Variants in SEPTIN5 observed in about 807,000 individuals in gnomAD.
SEPTIN5 encodes the protein septin 5, also known as septin-5.
A neutral mutation model predicts 51.2 loss-of-function variants in SEPTIN5; 16 were observed. The observed-to-expected ratio is 0.31, with a 90% CI of 0.21 to 0.47. SEPTIN5 has a LOEUF of 0.47. SEPTIN5 is among the 20% of genes least tolerant of loss of function. SEPTIN5 has a pLI of 0.99. For synonymous variants in SEPTIN5, 208 were observed against 191.2 expected, an observed-to-expected ratio of 1.09 and a Z score of -0.72; for missense variants, 376 against 500.3, an observed-to-expected ratio of 0.75 and a Z score of 2.37.
chr22:19,719,030 G>C, intron 2 of SEPTIN5: 2 of 483,692 alleles, frequency 4.1e-6, no homozygotes, highest in Non-Finnish European at 6.5e-6. Context: ...CGGAGAATGC[G>C]GCCGTGGGAC....
At chr22:19,718,343 G>A in intron 2 of SEPTIN5, 1 of 963,638 alleles carries the variant, frequency 1.0e-6, no homozygotes, top group Non-Finnish European at 1.2e-6. Flanking sequence ...AGCCGCTTTC[G>A]GGTGGCTCCG....
At position 19,722,620 on chromosome 22, in the gene SEPTIN5, C is replaced by T. The variant is rs979226214; in HGVS notation, c.*136C>T. 8.7e-6 allele frequency: 8 copies of T among 916,584 alleles called. No homozygotes were observed. The Admixed American group carries it at 1.3e-4, about 15-fold the overall frequency. The allele number at this position is 916,584 out of a possible 1,614,324, so 56.8% of individuals were successfully genotyped here. On this transcript the variant is annotated 3_prime_UTR_variant, in exon 12 of 12. Transcript: ENST00000455784. ...ATTTATTCTCAGCACCACCCCCTCC[C>T]AGGTCATTGTGTCTGTTTCCGAGGG... is the stretch of plus-strand genomic sequence containing the variant.
At position 19,722,555 on chromosome 22, in the gene SEPTIN5, C is replaced by T; in HGVS notation, c.*71C>T. The T allele has an allele frequency of 2.0e-6, 3 of 1,501,266 alleles. No homozygotes were observed. The highest frequency in any genetic ancestry group is 1.8e-6 in the Non-Finnish European group (2 of 1,104,726). 93.0% of individuals were successfully genotyped at this position (1,501,266 alleles called of 1,614,324 possible). A position where few individuals can be genotyped will look rare whatever the true frequency, so the allele number is the denominator to read the frequency against. ...CCTGGACACCAGACCGGACTGTTCC[C>T]GACCCGGAGACGCGGGGCCACAGCC... On this transcript the variant is annotated 3_prime_UTR_variant, in exon 12 of 12. Coordinates refer to ENST00000455784, the MANE Select transcript of SEPTIN5 (RefSeq NM_002688.6).
intron 2 of SEPTIN5, among the ~76,000 whole-genome samples, chr22:19,715,537 G>T (rs973291368): frequency 6.6e-6 from 1 of 152,232 alleles, no homozygotes; most frequent in African/African-American, 2.4e-5. Context: ...AGGTGGGCTG[G>T]GGGGGCTGGG....
chr22:19,720,263 C>T (rs1433553189), intron 5 of SEPTIN5, 25 bp downstream of exon 5: 1 of 1,613,500 alleles, frequency 6.2e-7, no homozygotes, highest in Non-Finnish European at 8.5e-7. Flanking sequence ...CTGAGAAAGG[C>T]CTTGCCTAGG....
In SEPTIN5 at chr22:19,720,360, C is replaced by A. The variant is rs1297042350; in HGVS notation, c.403C>A (p.Gln135Lys). The change falls in exon 6 of 12, where the codon CAG (glutamine) becomes AAG (lysine). Residue 135 changes from glutamine (Q) to lysine (K), a missense_variant. Physicochemically the swap from Gln to Lys is moderately conservative, Grantham distance 53. Around this residue, in one of 2 missense-constraint regions of SEPTIN5, gnomAD observed 287 missense variants for 417.1 expected, o/e 0.69. Transcript: ENST00000455784. Reference sequence around the variant, plus strand: ...CGACTATGTGGACCAGCAGTTTGAGCAGTACTTCCGTGATGAGAGCGGCCT... The same window carrying A: ...CGACTATGTGGACCAGCAGTTTGAGAAGTACTTCCGTGATGAGAGCGGCCT... Reference protein sequence around the residue: ...ITDYVDQQFEQYFRDESGLNR... With the variant: ...ITDYVDQQFEKYFRDESGLNR... The A allele has an allele frequency of 6.2e-7, 1 of 1,613,868 alleles. No homozygotes were observed. The highest frequency in any genetic ancestry group is 8.5e-7 in the Non-Finnish European group (1 of 1,180,030).
At chr22:19,719,122 T>G in intron 2 of SEPTIN5, 6 of 256,160 alleles carry the variant, frequency 2.3e-5, no homozygotes, top group Admixed American at 5.5e-5. Flanking sequence ...GGTCTATAAA[T>G]AGGCGCTGCT....
At chr22:19,722,405 C>G (rs774922672) in intron 11 of SEPTIN5, 23 bp from the exon 12 acceptor site, 1 of 1,595,598 alleles carries the variant, frequency 6.3e-7, no homozygotes. Flanking sequence ...GCTGCTCACC[C>G]GCCGGGTTGT....
intron 2 of SEPTIN5, chr22:19,717,851 C>T: frequency 5.5e-6 from 1 of 180,208 alleles, no homozygotes; most frequent in South Asian, 9.5e-5. Context: ...CATGTATACA[C>T]GCGCACACAC....
chr22:19,720,938 C>A, intron 8 of SEPTIN5, 69 bp downstream of exon 8: 1 of 1,382,902 alleles, frequency 7.2e-7, no homozygotes, highest in Admixed American at 1.7e-5. Flanking sequence ...GGCTTTGTCT[C>A]CTTCACATTG....
At chr22:19,718,648 C>G (rs1023778109) in intron 2 of SEPTIN5, 2 of 1,290,594 alleles carry the variant, frequency 1.5e-6, no homozygotes, top group African/African-American at 3.0e-5. Context: ...AAGGCAGAGC[C>G]GCGCCAAGGT....
rs760908390 is a variant in SEPTIN5 at position 19,721,655 on chromosome 22, G to A, written c.733G>A (p.Ala245Thr). Residue 245 changes from alanine (A) to threonine (T), a missense_variant, in exon 9 of 12, where the codon GCC (alanine) becomes ACC (threonine). Around this residue, in one of 2 missense-constraint regions of SEPTIN5, gnomAD observed 287 missense variants for 417.1 expected, o/e 0.69. Transcript: ENST00000455784. ...DRELKESAPF[A>T]VIGSNTVVEA... ...CTTCCCCCAGGAGAGCGCGCCCTTC[G>A]CCGTTATAGGCAGCAACACGGTGGT... 4.3e-6 allele frequency: 7 copies of A among 1,612,824 alleles called. No individual in the cohort carries two copies. Among genetic ancestry groups the A allele is most frequent in the African/African-American group, 1.3e-5 (1 of 75,036 alleles).
chr22:19,718,190 C>G (rs1178266931), intron 2 of SEPTIN5: 1 of 158,962 alleles, frequency 6.3e-6, no homozygotes, highest in Admixed American at 6.5e-5. Context: ...TACCGACTCC[C>G]GGCCCGCCCC....
intron 2 of SEPTIN5, chr22:19,718,334 G>A: frequency 1.1e-6 from 1 of 944,170 alleles, no homozygotes; most frequent in East Asian, 9.8e-5. Context: ...GCCCTCCGCA[G>A]CCGCTTTCGG....
At chr22:19,716,093 G>A (rs1272006452) in intron 2 of SEPTIN5, among the ~76,000 whole-genome samples, 1 of 152,206 alleles carries the variant, frequency 6.6e-6, no homozygotes, top group African/African-American at 2.4e-5. Context: ...CTGCAGGGTG[G>A]GGACCCCCTC....
chr22:19,714,504 C>G lies in SEPTIN5; in HGVS notation c.-85C>G, dbSNP rs1935884802. 2 of 912,784 alleles carry G rather than the reference C, an allele frequency of 2.2e-6. No homozygotes were observed. Among genetic ancestry groups the G allele is most frequent in the Non-Finnish European group, 2.8e-6 (2 of 725,894 alleles). 56.5% of individuals were successfully genotyped at this position (912,784 alleles called of 1,614,324 possible). ...GGCGGCGGCGCGGAGGGGCCGCTCA[C>G]CCCGCAGCCCGGCCTCGGCCTCCGC... On this transcript the variant is annotated 5_prime_UTR_variant, in exon 1 of 12. Transcript: ENST00000455784. This position sits in a 1 kb window ranked among gnomAD's most constrained non-coding sequence, Gnocchi z 5.2.
chr22:19,719,974 G>A (rs1205529939), intron 4 of SEPTIN5, 82 bp downstream of exon 4: 15 of 1,602,150 alleles, frequency 9.4e-6, no homozygotes, highest in Non-Finnish European at 1.2e-5. Flanking sequence ...TTCAGGTCCA[G>A]CTCCCACTGT....
Position 19,714,607 on chromosome 22 carries a change from T to C in SEPTIN5, c.19T>C (p.Tyr7His). The part of the protein sequence containing the change: MSTGLR[Y>H]KSKLATPEDK... ...GGCCACCATGAGCACAGGCCTGCGG[T>C]ACAAGAGCAAGCTGGCGACCCCAGG... The change falls in exon 1 of 12, where the codon TAC (tyrosine) becomes CAC (histidine). Residue 7 changes from tyrosine (Y) to histidine (H), a missense_variant. Around this residue, in one of 2 missense-constraint regions of SEPTIN5, gnomAD observed 287 missense variants for 417.1 expected, o/e 0.69. Coordinates refer to ENST00000455784, the MANE Select transcript of SEPTIN5 (RefSeq NM_002688.6). This position sits in a 1 kb window ranked among gnomAD's most constrained non-coding sequence, Gnocchi z 5.2. 1 of 1,490,416 alleles carries C rather than the reference T, an allele frequency of 6.7e-7. No homozygotes were observed. Among genetic ancestry groups the C allele is most frequent in the East Asian group, 2.7e-5 (1 of 36,432 alleles). The allele number at this position is 1,490,416 out of a possible 1,614,324, so 92.3% of individuals were successfully genotyped here.
rs576286971 is a variant in SEPTIN5, at chr22:19,722,633, C to G, written c.*149C>G. The G allele has an allele frequency of 1.1e-6, 1 of 874,232 alleles. No homozygotes were observed. The allele number at this position is 874,232 out of a possible 1,614,324, so 54.2% of individuals were successfully genotyped here. ...ACCACCCCCTCCCAGGTCATTGTGTCTGTTTCCGAGGGGCCTGGACCGTAG... is the reference window on the plus strand; with the variant it reads ...ACCACCCCCTCCCAGGTCATTGTGTGTGTTTCCGAGGGGCCTGGACCGTAG... On this transcript the variant is annotated 3_prime_UTR_variant, in exon 12 of 12. Transcript: ENST00000455784.
Sources: gnomAD v4.1 joint callset for allele counts (sites outside exome capture counted in the v4.1 genomes callset) on GRCh38, gnomAD v4.1.1 for gene constraint, gnomAD v4.1.1 regional missense constraint, Gnocchi (gnomAD v3.1) non-coding constraint, MANE v1.5 for transcripts, NCBI Gene and HGNC (gene_info 2026-07-23, HGNC 2026-07-21) for gene names.